ADAMTS7: variants seen among roughly 807,000 people sequenced by gnomAD.
ADAMTS7 encodes ADAM metallopeptidase with thrombospondin type 1 motif 7.
Under a neutral mutation model 172.6 loss-of-function variants are expected in ADAMTS7, and 89 were observed. The ratio of observed to expected loss-of-function variants is 0.52; its 90% CI spans 0.43 to 0.61. The LOEUF (loss-of-function observed/expected upper bound fraction) is 0.61, where lower values mean the gene tolerates loss of function less well. ADAMTS7 is among the 20% of genes least tolerant of loss of function. The probability of loss-of-function intolerance (pLI) is 0.00; values close to 1 mark genes in which losing one functional copy is unlikely to be tolerated. For synonymous variants in ADAMTS7, 885 were observed against 978.4 expected, an observed-to-expected ratio of 0.90 and a Z score of 1.78; for missense variants, 1,973 against 2,355.6, an observed-to-expected ratio of 0.84 and a Z score of 3.36.
chr15:78,783,563 C>T (rs2055461994), intron 8 of ADAMTS7, among the ~76,000 whole-genome samples: 1 of 152,128 alleles, frequency 6.6e-6, no homozygotes, highest in Admixed American at 6.5e-5. Context: ...CAGGCGTGAG[C>T]CACCACGCCT....
At chr15:78,782,473 C>G (rs2904218) in intron 8 of ADAMTS7, among the ~76,000 whole-genome samples, 1 of 143,384 alleles carries the variant, frequency 7.0e-6, no homozygotes, top group Admixed American at 7.3e-5. Context: ...TTAAGCCCCA[C>G]AGTGAGTGGA....
rs2055006477 is a variant in ADAMTS7 at position 78,759,498 on chromosome 15, T to C, written c.4984A>G (p.Thr1662Ala). ...LGRCQLPTIR[T>A]QCCRSCSPPS... is the part of the protein sequence containing the mutation. ...GGAGAGCACGAGCGGCAGCACTGGG[T>C]GCGGATGGTGGGCAGCTGGCAGCGG... The change falls in exon 24 of 24, where the codon ACC (threonine) becomes GCC (alanine). Residue 1662 changes from threonine to alanine, a missense_variant. Transcript: ENST00000388820. 2 of 1,597,286 alleles carry C rather than the reference T, an allele frequency of 1.3e-6. No homozygotes were observed. Among genetic ancestry groups the C allele is most frequent in the Non-Finnish European group, 1.7e-6 (2 of 1,177,322 alleles).
rs1181224720 is a variant in ADAMTS7 at position 78,788,505 on chromosome 15, A to G, written c.1179-131T>C. On this transcript the variant is annotated intron_variant, in intron 7 of 23. Coordinates refer to ENST00000388820, the MANE Select transcript of ADAMTS7 (RefSeq NM_014272.5). ...TTCTGCCACCCAATGGCTGCACCCA[A>G]TGGCTGCAGAAAGTCACATTCCCCT... 9 of 1,072,596 alleles carry G rather than the reference A, an allele frequency of 8.4e-6. No individual in the cohort carries two copies. The Middle Eastern group carries it at 9.6e-4, about 114-fold the overall frequency. 66.4% of individuals were successfully genotyped at this position (1,072,596 alleles called of 1,614,324 possible).
At position 78,765,572 on chromosome 15, in the gene ADAMTS7, C is replaced by T; in HGVS notation, c.4266+73G>A. 4 of 1,594,824 alleles carry T rather than the reference C, an allele frequency of 2.5e-6. No homozygotes were observed. The Admixed American group carries it at 6.8e-5, about 27-fold the overall frequency. On this transcript the variant is annotated intron_variant, in intron 19 of 23. Transcript: ENST00000388820. ...CAGACGGCGCCTGTGTCCCACTCTG[C>T]TCATTTTCAGATGAGGAAATAGTCA...
chr15:78,799,360 C>G (rs1356637289), intron 2 of ADAMTS7, among the ~76,000 whole-genome samples: 2 of 132,396 alleles, frequency 1.5e-5, no homozygotes, highest in African/African-American at 5.1e-5. Context: ...GAAAGGGGCC[C>G]TACTCTGCCT....
intron 17 of ADAMTS7, among the ~76,000 whole-genome samples, chr15:78,767,812 C>G (rs2055181287): frequency 6.6e-6 from 1 of 151,870 alleles, no homozygotes; most frequent in African/African-American, 2.4e-5. Context: ...AGCCTCCCCT[C>G]AGGAAAACTG....
At chr15:78,797,874 G>C (rs1567237860) in intron 3 of ADAMTS7, 74 bp downstream of exon 3, 1 of 1,520,476 alleles carries the variant, frequency 6.6e-7, no homozygotes, top group Non-Finnish European at 8.8e-7. Context: ...GGATGTTAAG[G>C]GGGGCTTCTA....
At position 78,768,095 on chromosome 15, in the gene ADAMTS7, T is replaced by TGGGGTGGGGAGTTGGCGGGGGATG. The variant is rs1567209302; in HGVS notation, c.2645+14_2645+37dup. 132 of 622,882 alleles carry TGGGGTGGGGAGTTGGCGGGGGATG rather than the reference T, an allele frequency of 2.1e-4. 8 individuals carry two copies. The African/African-American group carries it at 2.6e-3, about 12-fold the overall frequency. The allele number at this position is 622,882 out of a possible 1,614,324, so 38.6% of individuals were successfully genotyped here. A position where few individuals can be genotyped will look rare whatever the true frequency, so the allele number is the denominator to read the frequency against. On this transcript the variant is annotated intron_variant, in intron 17 of 23. Coordinates refer to ENST00000388820, the MANE Select transcript of ADAMTS7 (RefSeq NM_014272.5). The stretch of plus-strand genomic sequence containing the variant: ...ATGGGGGTGGGGAGTTGGCGGGGGA[T>TGGGGTGGGGAGTTGGCGGGGGATG]GGGGTGGGGAGTTGGCGGGGGATGG...
intron 8 of ADAMTS7, among the ~76,000 whole-genome samples, chr15:78,779,521 C>A (rs191967578): frequency 1.6e-4 from 24 of 152,300 alleles, no homozygotes; most frequent in Middle Eastern, 3.4e-3. Context: ...ACCCCACATA[C>A]AAGTTCAAAA....
At chr15:78,800,116 C>A in intron 2 of ADAMTS7, 76 bp downstream of exon 2, 3 of 1,306,978 alleles carry the variant, frequency 2.3e-6, no homozygotes, top group Non-Finnish European at 3.2e-6. Flanking sequence ...CAGACAAGTG[C>A]GTGGCAAGGC....
chr15:78,760,036 G>A (rs56011645), intron 23 of ADAMTS7, among the ~76,000 whole-genome samples: 36,642 of 149,994 alleles, frequency 0.24, 4,705 homozygotes, highest in East Asian at 0.33. Flanking sequence ...GTCCTGCCAG[G>A]CCTCCGTGAC....
In ADAMTS7 at chr15:78,762,405, G is replaced by A; in HGVS notation, c.4901C>T (p.Pro1634Leu). 6.8e-7 allele frequency: 1 copy of A among 1,464,772 alleles called. No homozygotes were observed. The highest frequency in any genetic ancestry group is 9.1e-7 in the Non-Finnish European group (1 of 1,103,606). The allele number at this position is 1,464,772 out of a possible 1,614,324, so 90.7% of individuals were successfully genotyped here. Reference protein sequence around the residue: ...GTEDCEPVEPPRCERDRLSFG... With the variant: ...GTEDCEPVEPLRCERDRLSFG... ...GAGCCTGGGGTCAGGGGACTCACGG[G>A]GAGGCTCGACGGGCTCACAATCCTC... Residue 1634 changes from proline to leucine, a missense_variant and splice_region_variant, in exon 23 of 24, where the codon CCC becomes CTC. Transcript: ENST00000388820.
rs1216641452 is a variant in ADAMTS7 at position 78,766,777 on chromosome 15, A to G, written c.3134T>C (p.Ile1045Thr). The G allele has an allele frequency of 4.3e-6, 7 of 1,610,578 alleles. No homozygotes were observed. Among genetic ancestry groups the G allele is most frequent in the Admixed American group, 1.7e-5 (1 of 60,020 alleles). ...SPKPGTMGNA[I>T]EEEAPELDLP... ...GTCCAGCTCTGGAGCCTCCTCCTCAATGGCGTTGCCCATGGTGCCTGGCTT... is the reference window on the plus strand; with the variant it reads ...GTCCAGCTCTGGAGCCTCCTCCTCAGTGGCGTTGCCCATGGTGCCTGGCTT... Residue 1045 changes from isoleucine (I) to threonine (T), a missense_variant, in exon 19 of 24, where the codon ATT becomes ACT. By Grantham distance (89) the Ile-to-Thr change is moderately conservative. This residue lies in a region of ADAMTS7 where 771 missense variants were observed against 952.6 expected (regional missense o/e 0.81). Transcript: ENST00000388820.
chr15:78,784,182 AC>A (rs987793280), intron 8 of ADAMTS7, among the ~76,000 whole-genome samples: 30 of 151,884 alleles, frequency 2.0e-4, no homozygotes, highest in African/African-American at 6.8e-4. Flanking sequence ...ACACGGCAAA[AC>A]CCCATCTCTA....
intron 1 of ADAMTS7, among the ~76,000 whole-genome samples, chr15:78,804,158 T>G (rs1178781271): frequency 6.6e-6 from 1 of 152,210 alleles, no homozygotes; most frequent in Non-Finnish European, 1.5e-5. Flanking sequence ...CCAAATGGTT[T>G]CAGTCTCTTC....
Position 78,771,520 on chromosome 15 carries a change from T to C in ADAMTS7, c.2376+65A>G. The C allele has an allele frequency of 9.0e-6, 14 of 1,548,460 alleles. No individual in the cohort carries two copies. Among genetic ancestry groups the C allele is most frequent in the Non-Finnish European group, 1.1e-5 (13 of 1,151,738 alleles). ...CACTCCTCCAGGACGAGACCTGCCA[T>C]GGAGGGTGCTGGGCCTGGGGACTCC... On this transcript the variant is annotated intron_variant, in intron 15 of 23. Transcript: ENST00000388820. The surrounding 1 kb of genome is among the most constrained non-coding windows in gnomAD (Gnocchi z 4.9).
intron 4 of ADAMTS7, among the ~76,000 whole-genome samples, chr15:78,795,258 C>T (rs142465951): frequency 1.3e-5 from 2 of 152,330 alleles, no homozygotes; most frequent in African/African-American, 4.8e-5. Context: ...CCTGCTGAAC[C>T]CTGGCTGTTA....
At position 78,801,978 on chromosome 15, in the gene ADAMTS7, G is replaced by A. The variant is rs532972107; in HGVS notation, c.101-1431C>T. Among the ~76,000 whole-genome samples, 15 of 152,036 alleles carry A rather than the reference G, an allele frequency of 9.9e-5. 1 individual carries two copies. In the South Asian group the frequency reaches 2.9e-3, roughly 30 times the overall value. The stretch of plus-strand genomic sequence containing the variant: ...ATAGTTCTGGGATTACAGGCGTGAG[G>A]CACCAAGGCTGGCCCTGGATAATTT... On this transcript the variant is annotated intron_variant, in intron 1 of 23. Transcript: ENST00000388820.
chr15:78,765,197 A>AG (rs1304198316), intron 19 of ADAMTS7: 1 of 226,622 alleles, frequency 4.4e-6, no homozygotes, highest in African/African-American at 2.3e-5. Flanking sequence ...GGACCCAGGG[A>AG]GGGGCACTAG....
Sources: allele counts gnomAD v4.1 joint callset (sites outside exome capture counted in the v4.1 genomes callset), GRCh38; gene constraint gnomAD v4.1.1; regional missense constraint gnomAD v4.1.1; non-coding constraint Gnocchi (gnomAD v3.1); transcripts MANE v1.5; gene names NCBI Gene and HGNC (gene_info 2026-07-23, HGNC 2026-07-21).